The following PLAAT3 variants were observed in gnomAD, a reference collection of about 807,000 sequenced individuals.
The protein encoded by PLAAT3 is phospholipase A and acyltransferase 3.
In PLAAT3, 21 loss-of-function variants were observed where a neutral mutation model predicts 16.7. The ratio of observed to expected loss-of-function variants is 1.26; its 90% confidence interval spans 0.89 to 1.81. The LOEUF is 1.81. PLAAT3 is among the 40% of genes most tolerant of loss of function. The pLI is 0.00. For missense variants in PLAAT3, 219 were observed against 213.7 expected (o/e 1.02, Z -0.16); for synonymous variants, 76 against 81.7 (o/e 0.93, Z 0.38).
intron 2 of PLAAT3, among the ~76,000 whole-genome samples, chr11:63,606,014 G>C (rs1308660065): frequency 6.6e-6 from 1 of 152,176 alleles, no homozygotes; most frequent in Non-Finnish European, 1.5e-5. Flanking sequence ...TCTCAGACCT[G>C]AGCCTGCACC....
chr11:63,607,378 G>T (rs1486680724), intron 2 of PLAAT3, among the ~76,000 whole-genome samples: 2 of 152,110 alleles, frequency 1.3e-5, no homozygotes, highest in African/African-American at 4.8e-5. Context: ...GTGTTTGAGA[G>T]AATGGGGACA....
chr11:63,582,978 A>G (rs1937864049), intron 4 of PLAAT3, among the ~76,000 whole-genome samples: 1 of 152,068 alleles, frequency 6.6e-6, no homozygotes, highest in South Asian at 2.1e-4. Context: ...TAAACATACA[A>G]AAATTAGCCA....
chr11:63,593,314 A>G (rs1255414805), intron 3 of PLAAT3, among the ~76,000 whole-genome samples: 2 of 152,194 alleles, frequency 1.3e-5, no homozygotes, highest in Non-Finnish European at 2.9e-5. Flanking sequence ...CAGGCTGGGG[A>G]GGCCACCCCA....
intron 3 of PLAAT3, among the ~76,000 whole-genome samples, chr11:63,595,027 A>T (rs1185906247): frequency 6.6e-6 from 1 of 152,132 alleles, no homozygotes; most frequent in East Asian, 1.9e-4. Context: ...GCGGTGGCTC[A>T]CGCCTGTAAT....
At chr11:63,606,851 C>T (rs1248985535) in intron 2 of PLAAT3, among the ~76,000 whole-genome samples, 4 of 152,202 alleles carry the variant, frequency 2.6e-5, no homozygotes, top group Non-Finnish European at 5.9e-5. Flanking sequence ...CAGCACCTGA[C>T]AGCGCTACAC....
At chr11:63,579,959 CCAGA>C (rs916340992) in intron 4 of PLAAT3, among the ~76,000 whole-genome samples, 3 of 151,508 alleles carry the variant, frequency 2.0e-5, no homozygotes, top group Admixed American at 1.3e-4. Flanking sequence ...AATTCTATAC[CCAGA>C]CAAAGTATCA....
At chr11:63,577,632 T>C (rs748426959) in intron 4 of PLAAT3, among the ~76,000 whole-genome samples, 2 of 152,176 alleles carry the variant, frequency 1.3e-5, no homozygotes, top group Non-Finnish European at 2.9e-5. Flanking sequence ...CTTCTCAGTC[T>C]TTTGGCTAAG....
intron 4 of PLAAT3, among the ~76,000 whole-genome samples, chr11:63,586,821 C>T (rs1210558193): frequency 3.9e-5 from 6 of 152,164 alleles, no homozygotes; most frequent in African/African-American, 1.2e-4. Context: ...CAGTGGCTCA[C>T]GCCTGTAATC....
chr11:63,609,268 T>A (rs916430607), intron 2 of PLAAT3, among the ~76,000 whole-genome samples: 11 of 152,214 alleles, frequency 7.2e-5, no homozygotes, highest in Admixed American at 2.0e-4. Flanking sequence ...AGGTGGGTAC[T>A]GAGAAAAGAC....
chr11:63,589,409 CAAAGAA>C (rs1207465708), intron 4 of PLAAT3, among the ~76,000 whole-genome samples: 3 of 30,750 alleles, frequency 9.8e-5, no homozygotes, highest in East Asian at 6.9e-4. Flanking sequence ...TTCACCTATG[CAAAGAA>C]AAAAAAAAAA....
intron 2 of PLAAT3, among the ~76,000 whole-genome samples, chr11:63,599,244 C>A (rs1938365495): frequency 1.3e-5 from 2 of 152,224 alleles, no homozygotes; most frequent in African/African-American, 4.8e-5. Flanking sequence ...TCATCCTTTG[C>A]TGGAGTCTTC....
chr11:63,586,737 A>C (rs1261097676), intron 4 of PLAAT3, among the ~76,000 whole-genome samples: 13 of 152,162 alleles, frequency 8.5e-5, no homozygotes. Flanking sequence ...AAAAAAAAAA[A>C]ACTTCTATTA....
In PLAAT3 at chr11:63,590,196, C is replaced by T; in HGVS notation, c.291G>A (p.Glu97=). The change falls in exon 4 of 5, where the codon GAG becomes GAA. Residue 97 remains glutamate (E), a synonymous_variant. Coordinates refer to ENST00000415826, the MANE Select transcript of PLAAT3 (RefSeq NM_001128203.2). ...AGAGCACCTCCTGCCCCACCAGCTC[C>T]TCCGCCCGCTGGATGATTTTGCTGC... ...LPCSKIIQRA[E]ELVGQEVLYK... is the part of the protein sequence containing the mutation. The T allele has an allele frequency of 6.2e-7, 1 of 1,614,206 alleles. No homozygotes were observed. Among genetic ancestry groups the T allele is most frequent in the Non-Finnish European group, 8.5e-7 (1 of 1,179,996 alleles).
In PLAAT3 at chr11:63,574,889, C is replaced by A; in HGVS notation, c.*56G>T. 1 of 1,041,712 alleles carries A rather than the reference C, an allele frequency of 9.6e-7. No individual in the cohort carries two copies. 64.5% of individuals were successfully genotyped at this position (1,041,712 alleles called of 1,614,324 possible). A position where few individuals can be genotyped will look rare whatever the true frequency, so the allele number is the denominator to read the frequency against. On this transcript the variant is annotated 3_prime_UTR_variant, in exon 5 of 5. Transcript: ENST00000415826. ...ACAAACCAAACCCCAAACTCTCTAGCAAAACAAGACCCCCTTGATGTATAA... is the reference window on the plus strand; with the variant it reads ...ACAAACCAAACCCCAAACTCTCTAGAAAAACAAGACCCCCTTGATGTATAA...
intron 4 of PLAAT3, among the ~76,000 whole-genome samples, chr11:63,578,295 A>G (rs1027891799): frequency 2.0e-5 from 3 of 152,252 alleles, no homozygotes; most frequent in Middle Eastern, 3.4e-3. Context: ...AAGAAAAAAA[A>G]AAAAGAAAAG....
At chr11:63,575,128 G>A in intron 4 of PLAAT3, 82 bp from the exon 5 acceptor site, 3 of 941,404 alleles carry the variant, frequency 3.2e-6, no homozygotes, top group Non-Finnish European at 5.1e-6. Context: ...CATTCAGCTC[G>A]GGATACCTCA....
At chr11:63,612,481 T>C (rs1450625186) in intron 2 of PLAAT3, among the ~76,000 whole-genome samples, 1 of 152,232 alleles carries the variant, frequency 6.6e-6, no homozygotes, top group Non-Finnish European at 1.5e-5. Flanking sequence ...GTCTCTCTAG[T>C]TTTATATGAA....
intron 4 of PLAAT3, 137 bp downstream of exon 4, chr11:63,589,963 C>A: frequency 1.3e-6 from 1 of 744,762 alleles, no homozygotes; most frequent in Non-Finnish European, 2.1e-6. Flanking sequence ...ACCCTTGTCC[C>A]AACTGTGACA....
intron 2 of PLAAT3, among the ~76,000 whole-genome samples, chr11:63,603,558 C>T (rs1938482579): frequency 6.6e-6 from 1 of 151,930 alleles, no homozygotes; most frequent in Non-Finnish European, 1.5e-5. Context: ...GTGCAGCAAA[C>T]CACCATGGCA....
Sources: allele counts gnomAD v4.1 joint callset (sites outside exome capture counted in the v4.1 genomes callset), GRCh38; gene constraint gnomAD v4.1.1; transcripts MANE v1.5; gene names NCBI Gene and HGNC (gene_info 2026-07-23, HGNC 2026-07-21).